Variants in DNAH17 observed in about 807,000 individuals in gnomAD.
DNAH17 encodes the protein axonemal beta dynein heavy chain 17.
A neutral mutation model predicts 485.6 loss-of-function variants in DNAH17; 376 were observed. That is an observed-to-expected ratio of 0.77 (90% CI 0.71 to 0.84). The LOEUF is 0.84. DNAH17 is among the 40% of genes least tolerant of loss of function. DNAH17 has a pLI of 0.00. For missense variants in DNAH17, 6,370 were observed against 5,839.3 expected, an observed-to-expected ratio of 1.09 and a Z score of -2.96; for synonymous variants, 3,031 against 2,405.9, an observed-to-expected ratio of 1.26 and a Z score of -7.60.
intron 56 of DNAH17, among the ~76,000 whole-genome samples, chr17:78,463,349 CAT>C (rs1189343671): frequency 6.6e-6 from 1 of 152,254 alleles, no homozygotes; most frequent in African/African-American, 2.4e-5. Context: ...CACACACATG[CAT>C]ACACACACAC....
chr17:78,533,231 A>G (rs2091288278), intron 19 of DNAH17, among the ~76,000 whole-genome samples: 1 of 152,214 alleles, frequency 6.6e-6, no homozygotes. Flanking sequence ...ACTGGGGCAC[A>G]GGCAGGGAGT....
intron 55 of DNAH17, 28 bp downstream of exon 55, chr17:78,468,589 G>C: frequency 6.2e-7 from 1 of 1,601,974 alleles, no homozygotes; most frequent in African/African-American, 1.3e-5. Flanking sequence ...CTGGGCTCTT[G>C]AGGCCCTGCC....
rs1287239115 is a variant in DNAH17, at chr17:78,486,041, G to T, written c.7194C>A (p.Tyr2398Ter). The T allele has an allele frequency of 3.7e-6, 6 of 1,613,892 alleles. No individual in the cohort carries two copies. Among genetic ancestry groups the T allele is most frequent in the African/African-American group, 1.3e-5 (1 of 74,924 alleles). ...GGAACTTTTTTGTGTCAGGATCAAT[G>T]TAGTAGTCAAAAATCGTTCCCTGCG... ...FPSQGTIFDY[Y>*]IDPDTKKFLP... The change falls in exon 46 of 81, where the codon TAC (tyrosine) becomes TAA (stop). Residue 2398 changes from tyrosine to a stop codon, truncating the protein, a stop_gained. Coordinates refer to ENST00000389840, the MANE Select transcript of DNAH17 (RefSeq NM_173628.4). LOFTEE classifies it high-confidence loss of function.
rs780506174 is a variant in DNAH17 at position 78,428,595 on chromosome 17, C to T, written c.12518G>A (p.Arg4173His). ...FLTVTSEKLF[R>H]TVLEMQPKET... ...TTTTGGCTGCATTTCCAGGACAGTG[C>T]GGAACAGCTTCTCTGAGGTGACCGT... The change falls in exon 77 of 81, where the codon CGC (arginine) becomes CAC (histidine). Residue 4173 changes from arginine (R) to histidine (H), a missense_variant. Arg to His is a conservative substitution (Grantham distance 29). Transcript: ENST00000389840. 1.1e-5 allele frequency: 18 copies of T among 1,613,802 alleles called. No homozygotes were observed. Among genetic ancestry groups the T allele is most frequent in the South Asian group, 5.5e-5 (5 of 91,076 alleles).
chr17:78,529,831 G>A (rs781446212), intron 21 of DNAH17, 137 bp from the exon 22 acceptor site: 65 of 803,872 alleles, frequency 8.1e-5, no homozygotes, highest in Middle Eastern at 3.4e-4. Flanking sequence ...GGGAGGGAGC[G>A]CCCCTGCCCA....
chr17:78,501,967 C>A, intron 33 of DNAH17, 94 bp from the exon 34 acceptor site: 2 of 1,535,892 alleles, frequency 1.3e-6, no homozygotes, highest in Non-Finnish European at 1.8e-6. Flanking sequence ...TAGGGAACAC[C>A]ACCATGCTTT....
intron 16 of DNAH17, among the ~76,000 whole-genome samples, chr17:78,549,108 T>A (rs1568238113): frequency 6.6e-6 from 1 of 152,202 alleles, no homozygotes; most frequent in East Asian, 1.9e-4. Flanking sequence ...TGCACGTCTG[T>A]GTTCTCTCAT....
At chr17:78,496,170 T>A in intron 37 of DNAH17, 138 bp from the exon 38 acceptor site, 2 of 990,964 alleles carry the variant, frequency 2.0e-6, no homozygotes, top group Non-Finnish European at 2.9e-6. Flanking sequence ...TTTTTTAAAT[T>A]AAGCCTTTTA....
At chr17:78,573,331 C>T (rs920400656) in intron 2 of DNAH17, among the ~76,000 whole-genome samples, 1 of 152,086 alleles carries the variant, frequency 6.6e-6, no homozygotes, top group Admixed American at 6.5e-5. Context: ...GGGGCGGTAG[C>T]TCATACCTGT....
intron 25 of DNAH17, among the ~76,000 whole-genome samples, chr17:78,519,241 C>T (rs184661796): frequency 1.3e-5 from 2 of 149,922 alleles, no homozygotes; most frequent in Admixed American, 6.7e-5. Flanking sequence ...AAGAGGAAGC[C>T]TCAAAAGAAA....
In DNAH17 at chr17:78,462,987, G is replaced by A. The variant is rs745789398; in HGVS notation, c.9031C>T (p.Arg3011Cys). Residue 3011 changes from arginine to cysteine, a missense_variant, in exon 57 of 81, where the codon CGC becomes TGC. Physicochemically the swap from Arg to Cys is radical, Grantham distance 180 (BLOSUM62 -3). Transcript: ENST00000389840. ...MSRVYLATER[R>C]YNYTTPKTFL... ...GTTTTGGGTGTGGTGTAGTTGTAGC[G>A]CCTCTCAGTAGCCAGGTATACCCTG... 5.6e-6 allele frequency: 9 copies of A among 1,613,806 alleles called. No homozygotes were observed. The highest frequency in any genetic ancestry group is 2.2e-5 in the East Asian group (1 of 44,900).
chr17:78,575,878 T>C (rs1474251876), intron 1 of DNAH17, among the ~76,000 whole-genome samples: 2 of 152,200 alleles, frequency 1.3e-5, no homozygotes, highest in African/African-American at 2.4e-5. Flanking sequence ...TGCAAACAAA[T>C]TTATGAACAA....
chr17:78,542,486 C>G (rs1471149196), intron 17 of DNAH17, among the ~76,000 whole-genome samples: 1 of 152,140 alleles, frequency 6.6e-6, no homozygotes, highest in South Asian at 2.1e-4. Context: ...CTTTTACAAG[C>G]CAATGCAAAG....
intron 21 of DNAH17, 114 bp downstream of exon 21, chr17:78,530,229 C>T: frequency 1.5e-6 from 2 of 1,305,338 alleles, no homozygotes; most frequent in Non-Finnish European, 2.0e-6. Flanking sequence ...CCAGCCTCCA[C>T]CCCCTGCTAC....
chr17:78,488,244 A>G lies in DNAH17; in HGVS notation c.6819-1738T>C, dbSNP rs114731120. Among the ~76,000 whole-genome samples, 340 of 152,318 alleles carry G rather than the reference A, an allele frequency of 2.2e-3. 1 individual carries two copies. Among genetic ancestry groups the G allele is most frequent in the African/African-American group, 7.2e-3 (301 of 41,580 alleles). ...AGGCCGACTTTCTCACCTCTGGTCCATACGGCTTCTTGCCCTGTCCCCAAG... is the reference window on the plus strand; with the variant it reads ...AGGCCGACTTTCTCACCTCTGGTCCGTACGGCTTCTTGCCCTGTCCCCAAG... On this transcript the variant is annotated intron_variant, in intron 44 of 80. Coordinates refer to ENST00000389840, the MANE Select transcript of DNAH17 (RefSeq NM_173628.4).
In DNAH17 at chr17:78,425,756, C is replaced by CTTTTTTTTTTTT. The variant is rs71160294; in HGVS notation, c.12916-197_12916-186dup. Among the ~76,000 whole-genome samples the CTTTTTTTTTTTT allele has an allele frequency of 8.0e-4, 96 of 120,710 alleles. 9 individuals are homozygous for CTTTTTTTTTTTT. Among genetic ancestry groups the CTTTTTTTTTTTT allele is most frequent in the African/African-American group, 3.2e-3 (84 of 26,212 alleles). The allele number at this position is 120,710 out of a possible 152,430, so 79.2% of individuals were successfully genotyped here. Reference sequence around the variant, plus strand: ...TACCATGACGCAACTTTGGTGTCTGCTTTTTTTTTTTTTTTTTTTTTTTTT... The same window carrying CTTTTTTTTTTTT: ...TACCATGACGCAACTTTGGTGTCTGCTTTTTTTTTTTTTTTTTTTTTTTTTTTTTTTTTTTTT... On this transcript the variant is annotated intron_variant, in intron 79 of 80. Coordinates refer to ENST00000389840, the MANE Select transcript of DNAH17 (RefSeq NM_173628.4).
intron 35 of DNAH17, chr17:78,500,874 G>A (rs997910348): frequency 3.8e-6 from 1 of 263,784 alleles, no homozygotes; most frequent in Non-Finnish European, 7.1e-6. Flanking sequence ...GGCAGCCCAG[G>A]TGCCTTTCCC....
intron 33 of DNAH17, 72 bp downstream of exon 33, chr17:78,502,519 G>T (rs964839333): frequency 1.1e-5 from 15 of 1,393,934 alleles, no homozygotes; most frequent in Non-Finnish European, 7.7e-6. Flanking sequence ...GTTTCAGAAG[G>T]ATACACGGGC....
intron 53 of DNAH17, 21 bp from the exon 54 acceptor site, chr17:78,475,490 C>A (rs144057202): frequency 6.2e-7 from 1 of 1,613,340 alleles, no homozygotes; most frequent in Non-Finnish European, 8.5e-7. Flanking sequence ...CGGAGAGATC[C>A]CACAACATCT....
Sources: allele counts gnomAD v4.1 joint callset (sites outside exome capture counted in the v4.1 genomes callset), GRCh38; gene constraint gnomAD v4.1.1; transcripts MANE v1.5; gene names NCBI Gene and HGNC (gene_info 2026-07-23, HGNC 2026-07-21).